Variants in CLIC6 observed in about 807,000 individuals in gnomAD.
The protein encoded by CLIC6 is chloride intracellular channel protein 6.
A neutral mutation model predicts 49.2 loss-of-function variants in CLIC6; 39 were observed. The observed-to-expected ratio is 0.79, with a 90% CI of 0.61 to 1.04. The LOEUF (loss-of-function observed/expected upper bound fraction) is 1.04. CLIC6 is among the 50% of genes least tolerant of loss of function. CLIC6 has a pLI of 0.00. For missense variants in CLIC6, 988 were observed against 993.1 expected (o/e 0.99, Z 0.07); for synonymous variants, 446 against 433.4 (o/e 1.03, Z -0.36).
At chr21:34,707,426 C>T (rs757826212) in intron 2 of CLIC6, 37 bp downstream of exon 2, 5 of 1,123,254 alleles carry the variant, frequency 4.5e-6, no homozygotes, top group Non-Finnish European at 5.3e-6. Context: ...AATAACTGTA[C>T]CTAGTTCTCT....
intron 1 of CLIC6, among the ~76,000 whole-genome samples, chr21:34,695,070 C>T (rs1990066795): frequency 6.6e-6 from 1 of 152,224 alleles, no homozygotes; most frequent in African/African-American, 2.4e-5. Context: ...TATTAACTCA[C>T]AGTTCTGTTG....
Position 34,669,215 on chromosome 21 carries a change from C to T in CLIC6, c.-174C>T, listed in dbSNP as rs1989469958. Among the ~76,000 whole-genome samples, 1 of 152,172 alleles carries T rather than the reference C, an allele frequency of 6.6e-6. No individual in the cohort carries two copies. The highest frequency in any genetic ancestry group is 6.5e-5 in the Admixed American group (1 of 15,278). ...AGGCTTGGGGCCAAGCGGAGTTTGC[C>T]CTGCGGGTCCTGCGCAAGGCCCCAG... On this transcript the variant is annotated 5_prime_UTR_variant, in exon 1 of 6. Transcript: ENST00000349499.
At chr21:34,682,801 ATTTTTTTTT>A (rs1172251761) in intron 1 of CLIC6, among the ~76,000 whole-genome samples, 9 of 69,272 alleles carry the variant, frequency 1.3e-4, no homozygotes, top group Admixed American at 9.4e-4. Context: ...CTTTCCCTCC[ATTTTTTTTT>A]TTTTTTTTTT....
Position 34,707,294 on chromosome 21 carries a change from T to A in CLIC6, c.1389T>A (p.Gly463=). The change falls in exon 2 of 6, where the codon GGT becomes GGA. Residue 463 remains glycine, a synonymous_variant. Coordinates refer to ENST00000349499, the MANE Select transcript of CLIC6 (RefSeq NM_053277.3). ...TCCACTTGTAGGCTGGTTATGATGG[T>A]GAGAGTATCGGAAATTGCCCGTTTT... The part of the protein sequence containing the change: ...ITLFVKAGYD[G]ESIGNCPFSQ... 6.2e-7 allele frequency: 1 copy of A among 1,613,422 alleles called. No individual in the cohort carries two copies. Among genetic ancestry groups the A allele is most frequent in the Non-Finnish European group, 8.5e-7 (1 of 1,179,274 alleles).
chr21:34,672,182 C>T (rs142255944), intron 1 of CLIC6, among the ~76,000 whole-genome samples: 28 of 152,286 alleles, frequency 1.8e-4, no homozygotes, highest in Non-Finnish European at 2.5e-4. Flanking sequence ...CAGTGAGCTG[C>T]GGACAAGATC....
chr21:34,687,390 G>A (rs754885566), intron 1 of CLIC6, among the ~76,000 whole-genome samples: 4 of 152,148 alleles, frequency 2.6e-5, no homozygotes, highest in Admixed American at 2.0e-4. Context: ...TTCCTTGTGA[G>A]AATTTCACAA....
intron 1 of CLIC6, among the ~76,000 whole-genome samples, chr21:34,693,395 G>C (rs892723332): frequency 2.6e-5 from 4 of 152,208 alleles, no homozygotes; most frequent in African/African-American, 9.7e-5. Context: ...AAAAGGGAAA[G>C]TGATAAATGA....
At position 34,709,528 on chromosome 21, in the gene CLIC6, A is replaced by G. The variant is rs1003184359; in HGVS notation, c.1889A>G (p.His630Arg). ...LADCNLLPKL[H>R]IIKIVAKKYR... ...GACTGCAACCTCTTACCCAAGCTCC[A>G]TATTATTAAGGTTCATCTTCCCTCC... The change falls in exon 5 of 6, where the codon CAT becomes CGT. Residue 630 changes from histidine (H) to arginine (R), a missense_variant. Physicochemically the swap from His to Arg is conservative, Grantham distance 29. Transcript: ENST00000349499. 1.9e-6 allele frequency: 3 copies of G among 1,613,866 alleles called. No individual in the cohort carries two copies. Among genetic ancestry groups the G allele is most frequent in the Middle Eastern group, 1.7e-4 (1 of 6,054 alleles).
chr21:34,709,251 G>T (rs1266850467), intron 4 of CLIC6, 106 bp from the exon 5 acceptor site: 17 of 957,932 alleles, frequency 1.8e-5, no homozygotes, highest in Non-Finnish European at 2.5e-5. Flanking sequence ...CCCATTGCTT[G>T]CTGGCCACAT....
In CLIC6 at chr21:34,678,109, C is replaced by G. The variant is rs1601260815; in HGVS notation, c.1374+7347C>G. On this transcript the variant is annotated intron_variant, in intron 1 of 5. Transcript: ENST00000349499. ...AACAGAGACTCTGTGGACCACAAAG[C>G]CCACAATATTTATTACTGGGCCCTT... 2.1e-5 allele frequency among the ~76,000 whole-genome samples: 3 copies of G among 144,894 alleles called. No homozygotes were observed. The South Asian group carries it at 7.0e-4, about 34-fold the overall frequency.
chr21:34,716,806 C>T lies in CLIC6; in HGVS notation c.*324C>T, dbSNP rs2056087820. 1 of 169,562 alleles carries T rather than the reference C, an allele frequency of 5.9e-6. No individual in the cohort carries two copies. The highest frequency in any genetic ancestry group is 2.6e-5 in the African/African-American group (1 of 39,086). 10.5% of individuals were successfully genotyped at this position (169,562 alleles called of 1,614,324 possible). On this transcript the variant is annotated 3_prime_UTR_variant, in exon 6 of 6. Coordinates refer to ENST00000349499, the MANE Select transcript of CLIC6 (RefSeq NM_053277.3). ...TAATTACCGAAAACTTACTGGAGAA[C>T]ATGTTCCAAATCTTCAGTATCTTGT...
Position 34,718,054 on chromosome 21 carries a change from TA to T in CLIC6, c.*1573del, listed in dbSNP as rs1449558333. 3 of 152,612 alleles carry T rather than the reference TA, an allele frequency of 2.0e-5. No individual in the cohort carries two copies. The highest frequency in any genetic ancestry group is 4.8e-5 in the African/African-American group (2 of 41,436). 9.5% of individuals were successfully genotyped at this position (152,612 alleles called of 1,614,324 possible). On this transcript the variant is annotated 3_prime_UTR_variant, in exon 6 of 6. Coordinates refer to ENST00000349499, the MANE Select transcript of CLIC6 (RefSeq NM_053277.3). ...TTGTCCACGTTGTTTCACATCTGGT[TA>T]GGGGGCAGATTTTAAAATGTAGTTT... is the stretch of plus-strand genomic sequence containing the variant.
intron 1 of CLIC6, among the ~76,000 whole-genome samples, chr21:34,675,500 A>G (rs899897216): frequency 6.6e-5 from 10 of 151,352 alleles, no homozygotes; most frequent in African/African-American, 2.2e-4. Context: ...CATTTCTGAG[A>G]CTTTAATTCT....
Position 34,709,384 on chromosome 21 carries a change from T to C in CLIC6, c.1745T>C (p.Leu582Pro). 6.2e-7 allele frequency: 1 copy of C among 1,614,104 alleles called. No individual in the cohort carries two copies. Among genetic ancestry groups the C allele is most frequent in the South Asian group, 1.1e-5 (1 of 91,074 alleles). ...EIHEKNLLKA[L>P]RKLDNYLNSP... ...CATGAAAAGAACCTGCTGAAGGCCC[T>C]GAGGAAGCTGGATAATTACTTAAAT... The change falls in exon 5 of 6, where the codon CTG (leucine) becomes CCG (proline). Residue 582 changes from leucine to proline, a missense_variant. Physicochemically the swap from Leu to Pro is moderately conservative, Grantham distance 98 (BLOSUM62 -3). Coordinates refer to ENST00000349499, the MANE Select transcript of CLIC6 (RefSeq NM_053277.3).
At chr21:34,696,943 G>A (rs949123685) in intron 1 of CLIC6, among the ~76,000 whole-genome samples, 9 of 152,018 alleles carry the variant, frequency 5.9e-5, no homozygotes, top group Admixed American at 2.0e-4. Flanking sequence ...CCTGGGACGC[G>A]GCACCCGTTC....
At position 34,717,018 on chromosome 21, in the gene CLIC6, C is replaced by G. The variant is rs375167292; in HGVS notation, c.*536C>G. Reference sequence around the variant, plus strand: ...TACACCATACAAAAATATTGGGCACCGCAGTGCCAGAGAAGATGCTTGAGG... The same window carrying G: ...TACACCATACAAAAATATTGGGCACGGCAGTGCCAGAGAAGATGCTTGAGG... On this transcript the variant is annotated 3_prime_UTR_variant, in exon 6 of 6. Coordinates refer to ENST00000349499, the MANE Select transcript of CLIC6 (RefSeq NM_053277.3). 1 of 152,160 alleles carries G rather than the reference C, an allele frequency of 6.6e-6. No homozygotes were observed. The highest frequency in any genetic ancestry group is 1.5e-5 in the Non-Finnish European group (1 of 68,082). 9.4% of individuals were successfully genotyped at this position (152,160 alleles called of 1,614,324 possible). A position where few individuals can be genotyped will look rare whatever the true frequency, so the allele number is the denominator to read the frequency against.
chr21:34,710,714 G>A (rs2056050885), intron 5 of CLIC6, among the ~76,000 whole-genome samples: 1 of 152,144 alleles, frequency 6.6e-6, no homozygotes, highest in African/African-American at 2.4e-5. Context: ...CTGGGGGGCT[G>A]AGGCAGGAGA....
chr21:34,714,989 A>G (rs1193208732), intron 5 of CLIC6, among the ~76,000 whole-genome samples: 1 of 152,250 alleles, frequency 6.6e-6, no homozygotes, highest in Admixed American at 6.5e-5. Flanking sequence ...GTTGGCATTC[A>G]AGGAAGAGGT....
chr21:34,675,349 C>T (rs907691302), intron 1 of CLIC6, among the ~76,000 whole-genome samples: 4 of 150,644 alleles, frequency 2.7e-5, no homozygotes, highest in Admixed American at 6.6e-5. Context: ...CCTGGTAGAA[C>T]GGTAAGCTGT....
Sources: gnomAD v4.1 joint callset for allele counts (sites outside exome capture counted in the v4.1 genomes callset) on GRCh38, gnomAD v4.1.1 for gene constraint, MANE v1.5 for transcripts, NCBI Gene and HGNC (gene_info 2026-07-23, HGNC 2026-07-21) for gene names.